The following ICA1L variants were observed in gnomAD, a reference collection of about 807,000 sequenced individuals.
ICA1L encodes the protein islet cell autoantigen 1-like protein.
In ICA1L, 50 loss-of-function variants were observed where a neutral mutation model predicts 61.3. The observed-to-expected ratio is 0.82, with a 90% confidence interval of 0.65 to 1.03. The LOEUF (loss-of-function observed/expected upper bound fraction) is 1.03, where lower values mean the gene tolerates loss of function less well. Among genes scored for constraint, ICA1L ranks in the 50% least tolerant of loss-of-function variants. The probability of loss-of-function intolerance (pLI) is 0.00; values close to 1 mark genes in which losing one functional copy is unlikely to be tolerated. For missense variants in ICA1L, 508 were observed against 556.7 expected, an observed-to-expected ratio of 0.91 and a Z score of 0.88; for synonymous variants, 161 against 191.3, an observed-to-expected ratio of 0.84 and a Z score of 1.31.
At chr2:202,835,550 ATTT>A (rs35895700) in intron 1 of ICA1L, among the ~76,000 whole-genome samples, 2 of 143,678 alleles carry the variant, frequency 1.4e-5, no homozygotes, top group African/African-American at 2.6e-5. Flanking sequence ...AATGCTACTG[ATTT>A]TTTTTTTTTT....
In ICA1L at chr2:202,779,606, A is replaced by G; in HGVS notation, c.1376T>C (p.Leu459Pro). The G allele has an allele frequency of 6.2e-7, 1 of 1,613,592 alleles. No individual in the cohort carries two copies. The highest frequency in any genetic ancestry group is 1.3e-5 in the African/African-American group (1 of 75,040). The change falls in exon 13 of 13, where the codon CTG (leucine) becomes CCG (proline). Residue 459 changes from leucine (L) to proline (P), a missense_variant. Coordinates refer to ENST00000358299, the MANE Select transcript of ICA1L (RefSeq NM_001288622.3). Reference sequence around the variant, plus strand: ...TGAAAGTGGATCCAAGTCTGCAAACAGATTGAACCAGGCTGACATGTCTTG... The same window carrying G: ...TGAAAGTGGATCCAAGTCTGCAAACGGATTGAACCAGGCTGACATGTCTTG... The part of the protein sequence containing the change: ...GNQDMSAWFN[L>P]FADLDPLSNP...
intron 1 of ICA1L, among the ~76,000 whole-genome samples, chr2:202,846,969 A>G (rs769470475): frequency 1.3e-5 from 2 of 152,212 alleles, no homozygotes; most frequent in South Asian, 4.1e-4. Flanking sequence ...AATAGGATTG[A>G]AATTCTGATG....
chr2:202,784,071 C>T (rs1279863605), intron 12 of ICA1L, among the ~76,000 whole-genome samples: 4 of 152,180 alleles, frequency 2.6e-5, no homozygotes, highest in African/African-American at 9.7e-5. Flanking sequence ...ATTCAGAAGT[C>T]AGCCTGAAAG....
chr2:202,817,521 C>A lies in ICA1L; in HGVS notation c.581G>T (p.Ser194Ile), dbSNP rs1693571181. 1.2e-6 allele frequency: 2 copies of A among 1,608,180 alleles called. No homozygotes were observed. Among genetic ancestry groups the A allele is most frequent in the Non-Finnish European group, 1.7e-6 (2 of 1,176,394 alleles). Residue 194 changes from serine (S) to isoleucine (I), a missense_variant, in exon 6 of 13, where the codon AGC (serine) becomes ATC (isoleucine). Transcript: ENST00000358299. ...CTTTAACTTGTCAAAAGAAGCTTTG[C>A]TATTTCTCACTTGCATCTGTACCTG... ...FRKVQMQVRN[S>I]KASFDKLKMD... is the part of the protein sequence containing the mutation.
At chr2:202,836,800 T>TATATATAGATAGATATATAGATATAG (rs1462443281) in intron 1 of ICA1L, among the ~76,000 whole-genome samples, 1 of 145,790 alleles carries the variant, frequency 6.9e-6, no homozygotes, top group Non-Finnish European at 1.5e-5. Context: ...TATATCTATA[T>TATATATAGATAGATATATAGATATAG]ATATAGATAT....
rs200286525 is a variant in ICA1L, at chr2:202,819,706, T to A, written c.553A>T (p.Arg185Ter). 2 of 1,612,814 alleles carry A rather than the reference T, an allele frequency of 1.2e-6. No homozygotes were observed. The highest frequency in any genetic ancestry group is 3.3e-5 in the Admixed American group (2 of 60,034). The change falls in exon 5 of 13, where the codon AGA becomes TGA. Residue 185 changes from arginine to a stop codon, truncating the protein, a stop_gained. Coordinates refer to ENST00000358299, the MANE Select transcript of ICA1L (RefSeq NM_001288622.3). LOFTEE classifies it high-confidence loss of function. ...PDTLKQMEKF[R>*]KVQMQVRNSK... ...AAAGGGATACGTTTTCATACTTTTC[T>A]AAACTTTTCCATTTGCTTTAAGGTG... is the stretch of plus-strand genomic sequence containing the variant.
intron 11 of ICA1L, among the ~76,000 whole-genome samples, 185 bp downstream of exon 11, chr2:202,788,645 A>AGTCTT (rs2105821373): frequency 6.6e-6 from 1 of 152,146 alleles, no homozygotes; most frequent in African/African-American, 2.4e-5. Flanking sequence ...CCCTTGTTTC[A>AGTCTT]GTCTTGTTGA....
chr2:202,870,540 T>C (rs1468504286), intron 1 of ICA1L: 2 of 152,314 alleles, frequency 1.3e-5, no homozygotes, highest in East Asian at 3.9e-4. Context: ...CATTCGGAGA[T>C]GTTTACTCGG....
At chr2:202,824,885 A>C (rs1014764336) in intron 3 of ICA1L, among the ~76,000 whole-genome samples, 1 of 152,218 alleles carries the variant, frequency 6.6e-6, no homozygotes, top group Non-Finnish European at 1.5e-5. Flanking sequence ...CAAGTGAAGA[A>C]AGTGTATCAA....
At chr2:202,826,790 C>T (rs987482693) in intron 2 of ICA1L, among the ~76,000 whole-genome samples, 4 of 151,192 alleles carry the variant, frequency 2.6e-5, no homozygotes, top group African/African-American at 9.7e-5. Flanking sequence ...TCAGAATCTA[C>T]ACTAAATAAT....
intron 1 of ICA1L, among the ~76,000 whole-genome samples, chr2:202,839,464 A>G (rs1163619463): frequency 7.1e-6 from 1 of 141,726 alleles, no homozygotes; most frequent in Non-Finnish European, 1.5e-5. Context: ...GCACCACTGC[A>G]CTCCAGCCTG....
rs558981130 is a variant in ICA1L, at chr2:202,846,421, C to A, written c.-7-17405G>T. 2.1e-3 allele frequency among the ~76,000 whole-genome samples: 326 copies of A among 152,048 alleles called. 3 individuals are homozygous for A. The highest frequency in any genetic ancestry group is 2.8e-3 in the Non-Finnish European group (187 of 67,974). On this transcript the variant is annotated intron_variant, in intron 1 of 12. Coordinates refer to ENST00000358299, the MANE Select transcript of ICA1L (RefSeq NM_001288622.3). ...GATCCTAAGACTGTGCCCTCACCCC[C>A]ACTAGACCAGAGACTGGTTGCAAGT...
chr2:202,830,175 C>T (rs771215396), intron 1 of ICA1L, among the ~76,000 whole-genome samples: 7 of 152,102 alleles, frequency 4.6e-5, no homozygotes, highest in Non-Finnish European at 7.4e-5. Context: ...GGGCAGATGC[C>T]GAGGTGAGTG....
intron 10 of ICA1L, 109 bp downstream of exon 10, chr2:202,796,781 C>T: frequency 3.4e-6 from 2 of 592,256 alleles, no homozygotes; most frequent in South Asian, 5.2e-5. Context: ...CACATAGTTG[C>T]ATTCTTATGT....
At chr2:202,812,239 T>C (rs1693397795) in intron 8 of ICA1L, among the ~76,000 whole-genome samples, 1 of 152,206 alleles carries the variant, frequency 6.6e-6, no homozygotes, top group Non-Finnish European at 1.5e-5. Flanking sequence ...AATACTAATT[T>C]TGGATATTTA....
Position 202,834,421 on chromosome 2 carries a change from G to A in ICA1L, c.-7-5405C>T, listed in dbSNP as rs1694092476. 2.0e-5 allele frequency among the ~76,000 whole-genome samples: 3 copies of A among 152,118 alleles called. No homozygotes were observed. The South Asian group carries it at 6.2e-4, about 32-fold the overall frequency. On this transcript the variant is annotated intron_variant, in intron 1 of 12. Transcript: ENST00000358299. ...AGGCGGGTGGATAACTTGAGCTTGGGAGTTCAAGACCAGCGTGGGCAACAT... is the reference window on the plus strand; with the variant it reads ...AGGCGGGTGGATAACTTGAGCTTGGAAGTTCAAGACCAGCGTGGGCAACAT...
intron 12 of ICA1L, among the ~76,000 whole-genome samples, chr2:202,782,726 GT>G (rs1219163423): frequency 1.3e-5 from 2 of 151,930 alleles, no homozygotes; most frequent in Non-Finnish European, 2.9e-5. Flanking sequence ...CTTAAGTTTA[GT>G]TTTGTTGTAC....
Position 202,868,418 on chromosome 2 carries a change from C to G in ICA1L, c.-8+3201G>C, listed in dbSNP as rs191432303. Among the ~76,000 whole-genome samples the G allele has an allele frequency of 3.9e-5, 6 of 152,278 alleles. No homozygotes were observed. The East Asian group carries it at 1.2e-3, about 29-fold the overall frequency. On this transcript the variant is annotated intron_variant, in intron 1 of 12. Coordinates refer to ENST00000358299, the MANE Select transcript of ICA1L (RefSeq NM_001288622.3). ...CATTTTGGAAAATGATTAGCAGTTT[C>G]TCATAAAACTAAACATGCTGCTACT...
At chr2:202,786,784 A>G in intron 11 of ICA1L, 1 of 450,376 alleles carries the variant, frequency 2.2e-6, no homozygotes, top group Non-Finnish European at 4.4e-6. Flanking sequence ...ATCTGTAATA[A>G]TGAACAAGTA....
Sources: allele counts gnomAD v4.1 joint callset (sites outside exome capture counted in the v4.1 genomes callset), GRCh38; gene constraint gnomAD v4.1.1; transcripts MANE v1.5; gene names NCBI Gene and HGNC (gene_info 2026-07-23, HGNC 2026-07-21).